The following GCNT2 variants were observed in gnomAD, a reference collection of about 807,000 sequenced individuals.
The protein encoded by GCNT2 is N-acetyllactosaminide beta-1,6-N-acetylglucosaminyl-transferase.
A neutral mutation model predicts 34.2 loss-of-function variants in GCNT2; 34 were observed. That is an observed-to-expected ratio of 1.00 (90% CI 0.76 to 1.32). GCNT2 has a LOEUF of 1.32. Among genes scored for constraint, GCNT2 ranks in the 40% most tolerant of loss-of-function variants. The probability of loss-of-function intolerance (pLI) is 0.00; values close to 1 mark genes in which losing one functional copy is unlikely to be tolerated. For synonymous variants in GCNT2, 212 were observed against 188.0 expected, an observed-to-expected ratio of 1.13 and a Z score of -1.04; for missense variants, 584 against 489.4, an observed-to-expected ratio of 1.19 and a Z score of -1.82.
chr6:10,563,589 A>G (rs1251201175), intron 3 of GCNT2, among the ~76,000 whole-genome samples: 1 of 151,336 alleles, frequency 6.6e-6, no homozygotes, highest in Non-Finnish European at 1.5e-5. Flanking sequence ...TAAAAATACA[A>G]AAATTAGCCT....
chr6:10,551,861 G>A lies in GCNT2; in HGVS notation c.925+22025G>A, dbSNP rs181177236. On this transcript the variant is annotated intron_variant, in intron 3 of 4. Coordinates refer to ENST00000495262, the MANE Select transcript of GCNT2 (RefSeq NM_145649.5). ...CAACCTCTGTCTCCCAGGTTCAAGC[G>A]ATTCTCCTGCCTCAGCCTCCCAAGT... Among the ~76,000 whole-genome samples the A allele has an allele frequency of 3.9e-5, 6 of 151,994 alleles. No homozygotes were observed. The East Asian group carries it at 7.7e-4, about 20-fold the overall frequency.
At chr6:10,601,924 G>T (rs1388988168) in intron 3 of GCNT2, among the ~76,000 whole-genome samples, 1 of 135,298 alleles carries the variant, frequency 7.4e-6, no homozygotes, top group Non-Finnish European at 1.5e-5. Flanking sequence ...CTGGGCAACA[G>T]AGCGAGACTC....
intron 3 of GCNT2, among the ~76,000 whole-genome samples, chr6:10,577,550 A>AT: frequency 6.6e-6 from 1 of 151,962 alleles, no homozygotes; most frequent in East Asian, 1.9e-4. Context: ...ATTTTATTTT[A>AT]TTTTTTTGAG....
Position 10,627,504 on chromosome 6 carries a change from A to G in GCNT2, c.*897A>G, listed in dbSNP as rs892202899. The stretch of plus-strand genomic sequence containing the variant: ...GTGAGGCTTTTAATTGCACCATAGT[A>G]TGCTCTGAGTAGCTTTACACTGCCT... On this transcript the variant is annotated 3_prime_UTR_variant, in exon 5 of 5. Transcript: ENST00000495262. 6.6e-6 allele frequency: 1 copy of G among 152,196 alleles called. No homozygotes were observed. The highest frequency in any genetic ancestry group is 1.5e-5 in the Non-Finnish European group (1 of 68,052). The allele number at this position is 152,196 out of a possible 1,614,324, so 9.4% of individuals were successfully genotyped here. A position where few individuals can be genotyped will look rare whatever the true frequency, so the allele number is the denominator to read the frequency against.
rs533285488 is a variant in GCNT2 at position 10,628,372 on chromosome 6, C to T, written c.*1765C>T. 6.6e-6 allele frequency: 1 copy of T among 152,408 alleles called. No individual in the cohort carries two copies. The highest frequency in any genetic ancestry group is 2.4e-5 in the African/African-American group (1 of 41,500). The allele number at this position is 152,408 out of a possible 1,614,324, so 9.4% of individuals were successfully genotyped here. A position where few individuals can be genotyped will look rare whatever the true frequency, so the allele number is the denominator to read the frequency against. On this transcript the variant is annotated 3_prime_UTR_variant, in exon 5 of 5. Transcript: ENST00000495262. ...GTAACTGTGCTTGTTGAATGTCAATCATATTTAAAGGGAATGACTTTGAAG... is the reference window on the plus strand; with the variant it reads ...GTAACTGTGCTTGTTGAATGTCAATTATATTTAAAGGGAATGACTTTGAAG...
At chr6:10,588,237 T>C (rs73434931) in intron 3 of GCNT2, among the ~76,000 whole-genome samples, 17,499 of 152,162 alleles carry the variant, frequency 0.12, 1,168 homozygotes, top group Middle Eastern at 0.17. Context: ...GTAGGAGGGG[T>C]GGTGAACCAA....
chr6:10,603,552 G>C (rs7741962), intron 3 of GCNT2, among the ~76,000 whole-genome samples: 6 of 152,174 alleles, frequency 3.9e-5, no homozygotes, highest in Admixed American at 3.3e-4. Flanking sequence ...GTCTCTCTCT[G>C]TTGCCCAGGC....
At chr6:10,585,728 T>C in intron 3 of GCNT2, 12 of 1,366,432 alleles carry the variant, frequency 8.8e-6, no homozygotes, top group Non-Finnish European at 1.1e-5. Flanking sequence ...GCTGAGCCTT[T>C]GCAAACAGCA....
At chr6:10,557,168 A>C (rs754406768) in intron 3 of GCNT2, 9 of 1,548,656 alleles carry the variant, frequency 5.8e-6, no homozygotes, top group Non-Finnish European at 6.9e-6. Context: ...AACAGCGTTG[A>C]AACCGCCTCC....
chr6:10,589,424 G>A (rs887347537), intron 3 of GCNT2, among the ~76,000 whole-genome samples: 7 of 151,738 alleles, frequency 4.6e-5, no homozygotes, highest in Admixed American at 1.3e-4. Flanking sequence ...TGTGGTGTGG[G>A]TGTGTGCGTG....
chr6:10,563,558 A>AT (rs1763111583), intron 3 of GCNT2, among the ~76,000 whole-genome samples: 1 of 151,668 alleles, frequency 6.6e-6, no homozygotes, highest in Non-Finnish European at 1.5e-5. Flanking sequence ...CCTGGCCAAC[A>AT]TGGTGAAATG....
At chr6:10,587,168 T>C (rs1330757948) in intron 3 of GCNT2, among the ~76,000 whole-genome samples, 1 of 152,208 alleles carries the variant, frequency 6.6e-6, no homozygotes, top group Non-Finnish European at 1.5e-5. Flanking sequence ...TTTTAACTGT[T>C]GTTTGAATTA....
intron 3 of GCNT2, chr6:10,586,041 AT>A: frequency 6.2e-7 from 1 of 1,614,142 alleles, no homozygotes; most frequent in East Asian, 2.2e-5. Context: ...CAGCGTGGTC[AT>A]TTTTGTGAGA....
At chr6:10,610,233 AAC>A (rs1195728728) in intron 3 of GCNT2, among the ~76,000 whole-genome samples, 1 of 152,216 alleles carries the variant, frequency 6.6e-6, no homozygotes, top group African/African-American at 2.4e-5. Context: ...GCAAAATTTC[AAC>A]AGTCGTAGCT....
chr6:10,522,651 T>C lies in GCNT2; in HGVS notation c.-469+1234T>C, dbSNP rs144851529. ...AGGGAGGCTATATTCTTTCATGTAA[T>C]TATTCTTAGTGATCAGAAGCTTGAG... On this transcript the variant is annotated intron_variant, in intron 1 of 4. Coordinates refer to ENST00000495262, the MANE Select transcript of GCNT2 (RefSeq NM_145649.5). Among the ~76,000 whole-genome samples, 7 of 152,338 alleles carry C rather than the reference T, an allele frequency of 4.6e-5. No homozygotes were observed. In the East Asian group the frequency reaches 1.2e-3, roughly 25 times the overall value.
intron 3 of GCNT2, among the ~76,000 whole-genome samples, chr6:10,536,453 C>G (rs1381999316): frequency 3.3e-5 from 5 of 151,022 alleles, no homozygotes; most frequent in African/African-American, 9.8e-5. Flanking sequence ...CTCCCGGGTT[C>G]ACGCCATTCT....
At chr6:10,547,622 AG>A (rs1273023700) in intron 3 of GCNT2, among the ~76,000 whole-genome samples, 3 of 152,224 alleles carry the variant, frequency 2.0e-5, no homozygotes, top group South Asian at 2.1e-4. Context: ...GTGAAAAGCT[AG>A]GAAGTGTTTT....
chr6:10,596,096 C>A (rs148698642), intron 3 of GCNT2, among the ~76,000 whole-genome samples: 16 of 152,292 alleles, frequency 1.1e-4, no homozygotes, highest in African/African-American at 2.9e-4. Context: ...ATATTTTTAT[C>A]CAACTTCACC....
intron 3 of GCNT2, among the ~76,000 whole-genome samples, chr6:10,582,450 A>C (rs6902340): frequency 9.3e-5 from 11 of 118,856 alleles, no homozygotes; most frequent in South Asian, 4.6e-4. Context: ...TTATTATATA[A>C]TATATATAAT....
Sources: gnomAD v4.1 joint callset for allele counts (sites outside exome capture counted in the v4.1 genomes callset) on GRCh38, gnomAD v4.1.1 for gene constraint, MANE v1.5 for transcripts, NCBI Gene and HGNC (gene_info 2026-07-23, HGNC 2026-07-21) for gene names.